SELENOF: variants seen among roughly 807,000 people sequenced by gnomAD.
SELENOF encodes selenoprotein F.
In SELENOF, 16 loss-of-function variants were observed where a neutral mutation model predicts 20.5. The ratio of observed to expected loss-of-function variants is 0.78; its 90% CI spans 0.53 to 1.19. The LOEUF is 1.19. Ranked by LOEUF, SELENOF falls within the 50% of genes most tolerant of loss-of-function variation. The pLI is 0.00. For missense variants in SELENOF, 215 were observed against 194.2 expected, an observed-to-expected ratio of 1.11 and a Z score of -0.64; for synonymous variants, 78 against 74.5, an observed-to-expected ratio of 1.05 and a Z score of -0.24.
chr1:86,887,266 A>G (rs1659244565), intron 2 of SELENOF: 1 of 1,480,126 alleles, frequency 6.8e-7, no homozygotes, highest in Non-Finnish European at 9.0e-7. Flanking sequence ...TAATTCTCCA[A>G]TACTATATCT....
chr1:86,896,799 C>T (rs2102114201), intron 2 of SELENOF, among the ~76,000 whole-genome samples: 1 of 152,170 alleles, frequency 6.6e-6, no homozygotes, highest in South Asian at 2.1e-4. Context: ...TTTCCTTATT[C>T]TTTCAGTTTT....
chr1:86,867,236 T>G (rs1570370196), intron 4 of SELENOF, among the ~76,000 whole-genome samples: 1 of 151,892 alleles, frequency 6.6e-6, no homozygotes, highest in Non-Finnish European at 1.5e-5. Flanking sequence ...CCTGTAATAT[T>G]ACCCAGCACT....
chr1:86,873,852 CAAA>C (rs56407738), intron 3 of SELENOF, among the ~76,000 whole-genome samples: 1,697 of 131,522 alleles, frequency 0.013, 21 homozygotes, highest in African/African-American at 0.042. Flanking sequence ...AACTCCGTCT[CAAA>C]AAAAAAAAAA....
chr1:86,879,676 AAG>A (rs1323340236), intron 3 of SELENOF, among the ~76,000 whole-genome samples: 3 of 152,226 alleles, frequency 2.0e-5, no homozygotes, highest in African/African-American at 7.2e-5. Context: ...AGTTAAAAAA[AAG>A]AGAGAAAGCG....
At chr1:86,903,862 G>A (rs935295240) in intron 1 of SELENOF, among the ~76,000 whole-genome samples, 6 of 152,098 alleles carry the variant, frequency 3.9e-5, no homozygotes, top group African/African-American at 1.4e-4. Flanking sequence ...TTACAGGCAT[G>A]AGCCACCTCG....
At chr1:86,881,436 T>C (rs537770416) in intron 2 of SELENOF, among the ~76,000 whole-genome samples, 72 of 152,356 alleles carry the variant, frequency 4.7e-4, no homozygotes, top group African/African-American at 1.6e-3. Context: ...TTTTTTGTAG[T>C]TGCAGAGCCT....
At chr1:86,882,217 C>T (rs1445068090) in intron 2 of SELENOF, among the ~76,000 whole-genome samples, 2 of 139,246 alleles carry the variant, frequency 1.4e-5, no homozygotes, top group Non-Finnish European at 3.0e-5. Flanking sequence ...CCACTGCACT[C>T]CAGCCTGGCA....
At chr1:86,900,145 G>C (rs1392225312) in intron 2 of SELENOF, among the ~76,000 whole-genome samples, 1 of 151,416 alleles carries the variant, frequency 6.6e-6, no homozygotes, top group Non-Finnish European at 1.5e-5. Flanking sequence ...CCCAGACGAT[G>C]GGCGGCCAGG....
intron 3 of SELENOF, among the ~76,000 whole-genome samples, chr1:86,875,835 C>T (rs895617692): frequency 1.3e-5 from 2 of 152,032 alleles, no homozygotes; most frequent in Admixed American, 6.6e-5. Context: ...GAATTTGCCA[C>T]AAGAATTAGG....
At chr1:86,910,112 TAAAG>T (rs1450425415) in intron 1 of SELENOF, among the ~76,000 whole-genome samples, 1 of 152,196 alleles carries the variant, frequency 6.6e-6, no homozygotes, top group Non-Finnish European at 1.5e-5. Flanking sequence ...GAGAAAGAGA[TAAAG>T]AAACAAAGGC....
chr1:86,892,082 C>T (rs1282487247), intron 2 of SELENOF, among the ~76,000 whole-genome samples: 1 of 151,962 alleles, frequency 6.6e-6, no homozygotes, highest in African/African-American at 2.4e-5. Context: ...AGGAGCCCGC[C>T]ACCATGCCCA....
At chr1:86,864,424 C>T (rs547777517) in intron 4 of SELENOF, among the ~76,000 whole-genome samples, 30 of 152,086 alleles carry the variant, frequency 2.0e-4, no homozygotes, top group African/African-American at 2.9e-4. Flanking sequence ...TTATGTAGTT[C>T]GGCAGTGATG....
At chr1:86,880,091 C>T (rs1659025581) in intron 3 of SELENOF, among the ~76,000 whole-genome samples, 1 of 151,934 alleles carries the variant, frequency 6.6e-6, no homozygotes. Flanking sequence ...AAAGGCTCTT[C>T]TTTTAAGAAA....
intron 4 of SELENOF, among the ~76,000 whole-genome samples, chr1:86,864,358 T>C (rs1360482053): frequency 2.0e-5 from 3 of 152,206 alleles, no homozygotes; most frequent in Non-Finnish European, 4.4e-5. Flanking sequence ...AGCCATTCAT[T>C]AAGAGATCAA....
chr1:86,888,993 C>T (rs1557463294), intron 2 of SELENOF, among the ~76,000 whole-genome samples: 1 of 152,110 alleles, frequency 6.6e-6, no homozygotes, highest in Non-Finnish European at 1.5e-5. Flanking sequence ...AGAAACAAAG[C>T]TACTAAAACA....
chr1:86,898,459 TTAGA>T (rs1210457702), intron 2 of SELENOF, among the ~76,000 whole-genome samples: 8 of 152,354 alleles, frequency 5.3e-5, no homozygotes, highest in African/African-American at 1.9e-4. Flanking sequence ...AGTCTCATCC[TTAGA>T]TAGACCTATA....
At chr1:86,900,917 G>C (rs1294192521) in intron 2 of SELENOF, among the ~76,000 whole-genome samples, 2 of 152,016 alleles carry the variant, frequency 1.3e-5, no homozygotes, top group South Asian at 4.1e-4. Context: ...TTTTGAGTCA[G>C]GGTCTCTCTC....
rs201996523 is a variant in SELENOF at position 86,907,998 on chromosome 1, C to A, written c.85-4550G>T. ...TGAATCGCCATCTCAAAAAAAAAAA[C>A]AAAAAAAAAAACCAAGGCTCTATTC... On this transcript the variant is annotated intron_variant, in intron 1 of 4. Transcript: ENST00000331835. 1.9e-3 allele frequency among the ~76,000 whole-genome samples: 259 copies of A among 139,674 alleles called. 1 individual carries two copies. The highest frequency in any genetic ancestry group is 5.6e-3 in the African/African-American group (208 of 37,398). The allele number at this position is 139,674 out of a possible 152,430, so 91.6% of individuals were successfully genotyped here. A position where few individuals can be genotyped will look rare whatever the true frequency, so the allele number is the denominator to read the frequency against.
intron 3 of SELENOF, among the ~76,000 whole-genome samples, chr1:86,873,725 G>A (rs937786865): frequency 6.6e-6 from 1 of 151,910 alleles, no homozygotes; most frequent in Non-Finnish European, 1.5e-5. Context: ...GGTGGTGCAT[G>A]CCTGTAATCC....
Sources: allele counts gnomAD v4.1 joint callset (sites outside exome capture counted in the v4.1 genomes callset), GRCh38; gene constraint gnomAD v4.1.1; transcripts MANE v1.5; gene names NCBI Gene and HGNC (gene_info 2026-07-23, HGNC 2026-07-21).